The following TAF1 variants were observed in gnomAD, a reference collection of about 807,000 sequenced individuals.
TAF1 encodes the protein transcription initiation factor TFIID subunit 1.
A neutral mutation model predicts 138.5 loss-of-function variants in TAF1; 2 were observed. That is an observed-to-expected ratio of 0.01 (90% confidence interval 0.01 to 0.05). The LOEUF is 0.05. TAF1 is among the 10% of genes least tolerant of loss of function. The pLI is 1.00. For synonymous variants in TAF1, 437 were observed against 503.2 expected (o/e 0.87, Z 1.76); for missense variants, 709 against 1,478.0 (o/e 0.48, Z 8.53).
At chrX:71,377,457 C>A in intron 5 of TAF1, 146 bp from the exon 6 acceptor site, 1 of 831,613 alleles carries the variant, frequency 1.2e-6, no homozygotes, top group Non-Finnish European at 1.7e-6. Context: ...TCTTTACTTT[C>A]TTAGACGTTA....
In TAF1 at chrX:71,473,457, G is replaced by C. The variant is rs189914022; in HGVS notation, c.1366+12654G>C. ...AGGCTGAGGCGGGATGATCACTTAA[G>C]GCCGTGAGTTTGAGACGTTGCCATA... On this transcript the variant is annotated intron_variant and NMD_transcript_variant, in intron 13 of 14. Transcript: ENST00000373775. Among the ~76,000 whole-genome samples, 43 of 110,464 alleles carry C rather than the reference G, an allele frequency of 3.9e-4. No homozygotes were observed. The Admixed American group carries it at 4.0e-3, about 10-fold the overall frequency.
chrX:71,464,066 T>A lies in TAF1; in HGVS notation c.*20T>A. 1.7e-6 allele frequency: 2 copies of A among 1,164,205 alleles called. No homozygotes were observed. Among genetic ancestry groups the A allele is most frequent in the Non-Finnish European group, 2.3e-6 (2 of 867,136 alleles). On this transcript the variant is annotated 3_prime_UTR_variant, in exon 38 of 38. Transcript: ENST00000423759. Reference sequence around the variant, plus strand: ...GAATGAGGCTTCCTTTGGGCCTCCTTGGTCAGCCTTCCCTGTTCTCCAGCC... The same window carrying A: ...GAATGAGGCTTCCTTTGGGCCTCCTAGGTCAGCCTTCCCTGTTCTCCAGCC...
exon 15 of TAF1, chrX:71,529,747 C>T: frequency 3.0e-6 from 1 of 331,592 alleles, no homozygotes; most frequent in South Asian, 2.6e-5. Context: ...CCGTGCCAGA[C>T]TTGGATTGGA....
chrX:71,382,399 G>T (rs768646179), intron 9 of TAF1, 137 bp from the exon 10 acceptor site: 45 of 849,960 alleles, frequency 5.3e-5, no homozygotes, highest in Middle Eastern at 8.9e-4. Context: ...AGTTACCTGG[G>T]GGGGGGTGGG....
Position 71,381,753 on chromosome X carries a change from C to T in TAF1, c.1371C>T (p.Ala457=). 2 of 1,208,717 alleles carry T rather than the reference C, an allele frequency of 1.7e-6. No homozygotes were observed. The highest frequency in any genetic ancestry group is 3.5e-5 in the African/African-American group (2 of 57,680). The part of the protein sequence containing the change: ...MAYNVQQGFA[A]TLDDDKPWYS... ...TTGCACTTTGACTAGGTTTTGCAGC[C>T]ACTCTTGATGATGACAAACCTTGGT... The change falls in exon 9 of 38, where the codon GCC becomes GCT. Residue 457 remains alanine (A), a synonymous_variant. Coordinates refer to ENST00000423759, the MANE Select transcript of TAF1 (RefSeq NM_004606.5).
At chrX:71,410,018 G>T (rs1286552054) in intron 28 of TAF1, among the ~76,000 whole-genome samples, 3 of 108,438 alleles carry the variant, frequency 2.8e-5, no homozygotes, top group African/African-American at 1.0e-4. Context: ...TCAGCCTCCC[G>T]AGTAGCTGGG....
At chrX:71,520,011 G>C (rs908667061) in intron 13 of TAF1, among the ~76,000 whole-genome samples, 1 of 108,670 alleles carries the variant, frequency 9.2e-6, no homozygotes, top group Non-Finnish European at 1.9e-5. Context: ...ATGGGGTTTC[G>C]CCATGTTGGT....
At chrX:71,395,668 C>G (rs1040526674) in intron 22 of TAF1, among the ~76,000 whole-genome samples, 2 of 111,916 alleles carry the variant, frequency 1.8e-5, no homozygotes, top group Non-Finnish European at 3.8e-5. Context: ...TCACAGTAGT[C>G]TTCCCTTTGT....
At chrX:71,447,609 A>G (rs1312799194) in intron 32 of TAF1, among the ~76,000 whole-genome samples, 3 of 109,088 alleles carry the variant, frequency 2.8e-5, no homozygotes, top group Non-Finnish European at 3.8e-5. Flanking sequence ...AGGCAGGAGA[A>G]GTACTTGAAC....
intron 26 of TAF1, among the ~76,000 whole-genome samples, chrX:71,407,370 A>G (rs1007658574): frequency 1.8e-5 from 2 of 109,456 alleles, no homozygotes; most frequent in Non-Finnish European, 3.8e-5. Flanking sequence ...GGCACATGCC[A>G]CCACACCCAG....
intron 13 of TAF1, among the ~76,000 whole-genome samples, chrX:71,513,370 G>T (rs911910322): frequency 9.0e-6 from 1 of 111,694 alleles, no homozygotes; most frequent in Non-Finnish European, 1.9e-5. Flanking sequence ...ATGCAGTGTT[G>T]CTTGTAGTCG....
At chrX:71,472,803 G>T (rs1339526148) in intron 13 of TAF1, among the ~76,000 whole-genome samples, 1 of 112,110 alleles carries the variant, frequency 8.9e-6, no homozygotes, top group Non-Finnish European at 1.9e-5. Context: ...AGCTCAGAAT[G>T]AATAGCAAGT....
downstream of TAF1, among the ~76,000 whole-genome samples, chrX:71,468,869 G>A (rs767912106): frequency 1.5e-4 from 16 of 105,111 alleles, no homozygotes; most frequent in Non-Finnish European, 2.5e-4. Context: ...GCAAGCCTAT[G>A]GTCCCAGCTA....
Position 71,392,693 on chromosome X carries a change from T to C in TAF1, c.2906T>C (p.Ile969Thr). 8.3e-7 allele frequency: 1 copy of C among 1,202,904 alleles called. No individual in the cohort carries two copies. Among genetic ancestry groups the C allele is most frequent in the Non-Finnish European group, 1.1e-6 (1 of 892,637 alleles). ...GGTGAAGGATTCTCCTATGTGAAGA[T>C]TCCAAACAAACCAACACAGCAGAAG... ...GCGEGFSYVK[I>T]PNKPTQQKDD... The change falls in exon 19 of 38, where the codon ATT (isoleucine) becomes ACT (threonine). Residue 969 changes from isoleucine to threonine, a missense_variant. Physicochemically the swap from Ile to Thr is moderately conservative, Grantham distance 89. Transcript: ENST00000423759.
chrX:71,455,132 A>G, intron 34 of TAF1: 1 of 987,923 alleles, frequency 1.0e-6, no homozygotes, highest in South Asian at 2.2e-5. Context: ...TCCCTGACCC[A>G]GCCATCCTCT....
At chrX:71,444,594 G>A (rs1025986650) in intron 32 of TAF1, among the ~76,000 whole-genome samples, 2 of 110,636 alleles carry the variant, frequency 1.8e-5, no homozygotes, top group African/African-American at 6.6e-5. Context: ...GTGCATGCCC[G>A]TAGTCCCAGC....
chrX:71,481,605 T>A (rs1338099906), intron 13 of TAF1, among the ~76,000 whole-genome samples: 1 of 111,550 alleles, frequency 9.0e-6, no homozygotes, highest in African/African-American at 3.3e-5. Flanking sequence ...TTGCCCAGGC[T>A]GGAGTGCAGT....
downstream of TAF1, among the ~76,000 whole-genome samples, chrX:71,467,860 ATAT>A (rs1449763963): frequency 1.8e-5 from 2 of 112,097 alleles, no homozygotes; most frequent in African/African-American, 3.2e-5. Flanking sequence ...TTTAAAGAAA[ATAT>A]TATGATGAGA....
At chrX:71,394,734 C>T (rs1394582470) in intron 22 of TAF1, among the ~76,000 whole-genome samples, 2 of 112,130 alleles carry the variant, frequency 1.8e-5, no homozygotes, top group South Asian at 3.7e-4. Flanking sequence ...CAGGCTCAAA[C>T]GATCCTCCTG....
Sources: allele counts gnomAD v4.1 joint callset (sites outside exome capture counted in the v4.1 genomes callset), GRCh38; gene constraint gnomAD v4.1.1; transcripts MANE v1.5; gene names NCBI Gene and HGNC (gene_info 2026-07-23, HGNC 2026-07-21).